The following PRKN variants were observed in gnomAD, a reference collection of about 807,000 sequenced individuals.
PRKN encodes parkin RBR E3 ubiquitin protein ligase, also known as E3 ubiquitin-protein ligase parkin.
Under a neutral mutation model 59.5 loss-of-function variants are expected in PRKN, and 56 were observed. The ratio of observed to expected loss-of-function variants is 0.94; its 90% CI spans 0.76 to 1.18. The LOEUF (loss-of-function observed/expected upper bound fraction) is 1.18. Ranked by LOEUF, PRKN falls within the 50% of genes most tolerant of loss-of-function variation. The pLI is 0.00. For synonymous variants in PRKN, 250 were observed against 222.1 expected (o/e 1.13, Z -1.12); for missense variants, 657 against 596.4 (o/e 1.10, Z -1.06).
chr6:162,013,448 T>TA (rs139952336), intron 5 of PRKN, among the ~76,000 whole-genome samples: 4,177 of 152,242 alleles, frequency 0.027, 182 homozygotes, highest in African/African-American at 0.095. Context: ...GGAGCCCTAG[T>TA]ATTTTTAGTG....
chr6:162,514,719 C>T (rs1410785471), intron 1 of PRKN, among the ~76,000 whole-genome samples: 1 of 152,094 alleles, frequency 6.6e-6, no homozygotes, highest in Non-Finnish European at 1.5e-5. Context: ...CACTTAAGCC[C>T]AGGAGTATGA....
chr6:161,799,850 A>T (rs1791008044), intron 6 of PRKN, among the ~76,000 whole-genome samples: 5 of 152,192 alleles, frequency 3.3e-5, no homozygotes, highest in Admixed American at 3.3e-4. Context: ...GGTCTGGCGT[A>T]AGAGGGTTTG....
intron 1 of PRKN, among the ~76,000 whole-genome samples, chr6:162,501,515 T>TA (rs2128188015): frequency 1.8e-5 from 1 of 56,772 alleles, no homozygotes; most frequent in African/African-American, 7.1e-5. Context: ...GCCTGGTTAA[T>TA]TTTTTTTTTT....
At chr6:162,652,650 T>C (rs946496642) in intron 1 of PRKN, among the ~76,000 whole-genome samples, 52 of 152,228 alleles carry the variant, frequency 3.4e-4, no homozygotes, top group African/African-American at 1.0e-3. Context: ...TCTATTAGAA[T>C]TGAGACCAGC....
chr6:161,904,507 G>A (rs1778067011), intron 6 of PRKN, among the ~76,000 whole-genome samples: 1 of 151,876 alleles, frequency 6.6e-6, no homozygotes, highest in South Asian at 2.1e-4. Context: ...AGTAGAGACG[G>A]GGTTTCACTG....
intron 7 of PRKN, among the ~76,000 whole-genome samples, chr6:161,678,216 C>CTTTTTTTTTATTTT (rs1785160171): frequency 1.5e-5 from 1 of 64,940 alleles, no homozygotes; most frequent in African/African-American, 7.9e-5. Context: ...TACTGAATCA[C>CTTTTTTTTTATTTT]TTTTTTTTTT....
intron 2 of PRKN, among the ~76,000 whole-genome samples, chr6:162,335,199 T>C (rs903839759): frequency 1.3e-5 from 2 of 151,342 alleles, no homozygotes; most frequent in African/African-American, 4.9e-5. Context: ...TTTTTCTTTT[T>C]TTTTTTTAAT....
chr6:162,364,910 A>G (rs1024529403), intron 2 of PRKN, among the ~76,000 whole-genome samples: 8 of 152,092 alleles, frequency 5.3e-5, no homozygotes, highest in Middle Eastern at 3.4e-3. Flanking sequence ...CACAGAAGTT[A>G]TAAGAAACTA....
At chr6:162,675,150 GA>G (rs35735644) in intron 1 of PRKN, among the ~76,000 whole-genome samples, 125,930 of 151,754 alleles carry the variant, frequency 0.83, 52,568 homozygotes, top group East Asian at 0.98. Context: ...AGGTTCAAGC[GA>G]ATTCTCCTGC....
chr6:162,231,514 C>T (rs568979147), intron 3 of PRKN, among the ~76,000 whole-genome samples: 1 of 152,242 alleles, frequency 6.6e-6, no homozygotes, highest in African/African-American at 2.4e-5. Flanking sequence ...AGAACTGCAA[C>T]AAAGTGATAA....
chr6:161,969,274 T>G (rs1187663636), intron 6 of PRKN, among the ~76,000 whole-genome samples: 2 of 151,800 alleles, frequency 1.3e-5, no homozygotes, highest in South Asian at 2.1e-4. Flanking sequence ...ATTTGTTTTT[T>G]TTTTTTTTTT....
rs1489772396 is a variant in PRKN, at chr6:161,533,210, A to T, written c.1083+15644T>A. On this transcript the variant is annotated intron_variant, in intron 9 of 11. Transcript: ENST00000366898. The surrounding 1 kb of genome is among the most constrained non-coding windows in gnomAD (Gnocchi z 4.1). ...ATTAGTCTTAAATGCATATGATATT[A>T]CAAAACTAAAATTCTTAAAATAATT... is the stretch of plus-strand genomic sequence containing the variant. 1.3e-5 allele frequency among the ~76,000 whole-genome samples: 2 copies of T among 152,210 alleles called. No individual in the cohort carries two copies. The highest frequency in any genetic ancestry group is 3.8e-4 in the East Asian group (2 of 5,198).
At chr6:162,510,738 G>T (rs780236608) in intron 1 of PRKN, among the ~76,000 whole-genome samples, 5 of 151,986 alleles carry the variant, frequency 3.3e-5, no homozygotes, top group African/African-American at 1.2e-4. Context: ...CCTGTCCAAC[G>T]TAGTGAAACC....
intron 4 of PRKN, among the ~76,000 whole-genome samples, chr6:162,081,147 A>C (rs1326726042): frequency 1.3e-5 from 2 of 152,016 alleles, no homozygotes; most frequent in African/African-American, 4.8e-5. Context: ...GTCATCCATG[A>C]GGGTTAGAAT....
At chr6:162,389,548 C>T in intron 2 of PRKN, among the ~76,000 whole-genome samples, 1 of 152,164 alleles carries the variant, frequency 6.6e-6, no homozygotes, top group Non-Finnish European at 1.5e-5. Context: ...TCTACCCAGT[C>T]TAAAAGGTGT....
At chr6:161,830,534 G>A (rs1044435151) in intron 6 of PRKN, among the ~76,000 whole-genome samples, 7 of 152,162 alleles carry the variant, frequency 4.6e-5, no homozygotes, top group Non-Finnish European at 5.9e-5. Context: ...TAACAGGCGT[G>A]AGCCCCCGCA....
At chr6:161,751,825 T>C (rs1788705977) in intron 7 of PRKN, among the ~76,000 whole-genome samples, 1 of 152,156 alleles carries the variant, frequency 6.6e-6, no homozygotes, top group South Asian at 2.1e-4. Flanking sequence ...GCTTATGGTA[T>C]GGGACTTTTC....
At chr6:162,130,374 C>G (rs534291087) in intron 4 of PRKN, among the ~76,000 whole-genome samples, 2 of 152,074 alleles carry the variant, frequency 1.3e-5, no homozygotes, top group African/African-American at 2.4e-5. Flanking sequence ...AACCTCTTCA[C>G]GGGTAACAAC....
chr6:161,527,204 C>T lies in PRKN; in HGVS notation c.1083+21650G>A, dbSNP rs1384097080. 6.6e-6 allele frequency among the ~76,000 whole-genome samples: 1 copy of T among 152,114 alleles called. No individual in the cohort carries two copies. Among genetic ancestry groups the T allele is most frequent in the Non-Finnish European group, 1.5e-5 (1 of 68,016 alleles). On this transcript the variant is annotated intron_variant, in intron 9 of 11. Transcript: ENST00000366898. This position sits in a 1 kb window ranked among gnomAD's most constrained non-coding sequence, Gnocchi z 4.6. ...TTTCTTTTACAAAAGAACAGCTATT[C>T]AGAGGCACTTCTGTGTCTGCAACTT... is the stretch of plus-strand genomic sequence containing the variant.
Sources: gnomAD v4.1 joint callset for allele counts (sites outside exome capture counted in the v4.1 genomes callset) on GRCh38, gnomAD v4.1.1 for gene constraint, Gnocchi (gnomAD v3.1) non-coding constraint, MANE v1.5 for transcripts, NCBI Gene and HGNC (gene_info 2026-07-23, HGNC 2026-07-21) for gene names.